DCC: variants seen among roughly 807,000 people sequenced by gnomAD.
DCC encodes DCC netrin 1 receptor.
Under a neutral mutation model 172.5 loss-of-function variants are expected in DCC, and 58 were observed. The observed-to-expected ratio is 0.34, with a 90% CI of 0.27 to 0.42. DCC has a LOEUF of 0.42. Among genes scored for constraint, DCC ranks in the 10% least tolerant of loss-of-function variants. The pLI is 1.00. For synonymous variants in DCC, 709 were observed against 644.5 expected (o/e 1.10, Z -1.52); for missense variants, 1,740 against 1,791.0 (o/e 0.97, Z 0.51).
At chr18:53,296,598 G>T (rs1339000742) in intron 12 of DCC, among the ~76,000 whole-genome samples, 1 of 152,100 alleles carries the variant, frequency 6.6e-6, no homozygotes, top group East Asian at 1.9e-4. Flanking sequence ...CAATATTCTG[G>T]GCAATAGACA....
intron 1 of DCC, among the ~76,000 whole-genome samples, chr18:52,570,489 A>T (rs1447505336): frequency 1.3e-5 from 2 of 152,228 alleles, no homozygotes; most frequent in East Asian, 1.9e-4. Flanking sequence ...GAGGGGGAAG[A>T]TGTACTATAA....
At chr18:53,328,401 A>T (rs1276360850) in intron 14 of DCC, among the ~76,000 whole-genome samples, 2 of 152,232 alleles carry the variant, frequency 1.3e-5, no homozygotes, top group Non-Finnish European at 2.9e-5. Flanking sequence ...TAACAACAGT[A>T]TCCATCACAG....
intron 7 of DCC, among the ~76,000 whole-genome samples, chr18:53,131,786 C>G (rs577081512): frequency 8.5e-5 from 13 of 152,090 alleles, no homozygotes; most frequent in African/African-American, 2.9e-4. Context: ...GTCACCTTAA[C>G]TCAGAAGAGA....
intron 2 of DCC, among the ~76,000 whole-genome samples, chr18:52,777,745 A>G (rs769530757): frequency 1.3e-5 from 2 of 151,946 alleles, no homozygotes; most frequent in Non-Finnish European, 2.9e-5. Flanking sequence ...AAAGCAGAAG[A>G]GAATCTAGGA....
chr18:53,200,369 G>A (rs1374171244), intron 9 of DCC, among the ~76,000 whole-genome samples: 2 of 152,286 alleles, frequency 1.3e-5, no homozygotes, highest in South Asian at 2.1e-4. Context: ...AAATGGGTTA[G>A]ACTACATAAA....
chr18:52,387,615 CTTCCTTCCTTCCTTCCTTCT>C (rs1192110992), intron 1 of DCC, among the ~76,000 whole-genome samples: 2 of 148,974 alleles, frequency 1.3e-5, no homozygotes, highest in East Asian at 2.0e-4. Context: ...TCCTTCCTTC[CTTCCTTCCTTCCTTCCTTCT>C]GTCCTTCCAG....
At chr18:53,060,557 T>A (rs1448693010) in intron 5 of DCC, among the ~76,000 whole-genome samples, 1 of 152,132 alleles carries the variant, frequency 6.6e-6, no homozygotes, top group African/African-American at 2.4e-5. Flanking sequence ...CACATATACG[T>A]TTGTAATCAG....
chr18:53,144,745 G>A (rs1231474484), intron 7 of DCC, among the ~76,000 whole-genome samples: 1 of 152,108 alleles, frequency 6.6e-6, no homozygotes, highest in Non-Finnish European at 1.5e-5. Flanking sequence ...AGGGGCTGGT[G>A]CCATTTGTTT....
In DCC at chr18:53,476,721, G is replaced by A. The variant is rs989359031; in HGVS notation, c.3736+8711G>A. ...AGGACAATTACTTTTGATGGAAGTCGATTAGTGGACCAGAAGGTACTATAG... is the reference window on the plus strand; with the variant it reads ...AGGACAATTACTTTTGATGGAAGTCAATTAGTGGACCAGAAGGTACTATAG... On this transcript the variant is annotated intron_variant, in intron 25 of 28. Coordinates refer to ENST00000442544, the MANE Select transcript of DCC (RefSeq NM_005215.4). Among the ~76,000 whole-genome samples the A allele has an allele frequency of 2.0e-5, 3 of 152,120 alleles. No homozygotes were observed. The East Asian group carries it at 5.8e-4, about 29-fold the overall frequency.
intron 12 of DCC, among the ~76,000 whole-genome samples, chr18:53,302,228 A>C (rs2057150272): frequency 6.6e-6 from 1 of 151,924 alleles, no homozygotes; most frequent in South Asian, 2.1e-4. Context: ...TAATAACTTC[A>C]ACATATGACT....
chr18:53,477,996 A>G (rs930699335), intron 25 of DCC, among the ~76,000 whole-genome samples: 7 of 152,268 alleles, frequency 4.6e-5, no homozygotes, highest in African/African-American at 1.7e-4. Context: ...AATTACAAAA[A>G]AGTCAGAACA....
intron 12 of DCC, among the ~76,000 whole-genome samples, chr18:53,257,272 G>A (rs1003115144): frequency 6.6e-6 from 1 of 152,132 alleles, no homozygotes; most frequent in African/African-American, 2.4e-5. Context: ...GGTGAGAGAG[G>A]GCATCCGTGT....
At chr18:53,199,833 G>T (rs985348078) in intron 9 of DCC, among the ~76,000 whole-genome samples, 6 of 151,930 alleles carry the variant, frequency 3.9e-5, no homozygotes, top group Admixed American at 3.3e-4. Context: ...TGTATATTTT[G>T]ATATTCATAT....
intron 5 of DCC, among the ~76,000 whole-genome samples, chr18:52,962,651 C>T (rs1157060406): frequency 6.6e-6 from 1 of 151,858 alleles, no homozygotes; most frequent in Non-Finnish European, 1.5e-5. Context: ...AAGACACATG[C>T]ACATGTATGT....
intron 2 of DCC, among the ~76,000 whole-genome samples, chr18:52,849,711 TC>T (rs2038946659): frequency 6.6e-6 from 1 of 152,134 alleles, no homozygotes; most frequent in South Asian, 2.1e-4. Flanking sequence ...TTAGAATGCT[TC>T]TTCATTTTTT....
chr18:53,419,379 A>C (rs1313862492), intron 21 of DCC, among the ~76,000 whole-genome samples: 1 of 151,956 alleles, frequency 6.6e-6, no homozygotes, highest in Non-Finnish European at 1.5e-5. Context: ...AGTAGGTCTT[A>C]CTCATTATTT....
chr18:53,023,401 C>CAAAAAAAAAAAAAA lies in DCC; in HGVS notation c.986-39889_986-39876dup, dbSNP rs869070422. On this transcript the variant is annotated intron_variant, in intron 5 of 28. Transcript: ENST00000442544. The stretch of plus-strand genomic sequence containing the variant: ...GGACAAACACATATATAACTCAGAC[C>CAAAAAAAAAAAAAA]AAAAAAAAAAAAAAAAAAAAAAAAA... Among the ~76,000 whole-genome samples, 25 of 24,424 alleles carry CAAAAAAAAAAAAAA rather than the reference C, an allele frequency of 1.0e-3. 8 individuals carry two copies. The highest frequency in any genetic ancestry group is 4.8e-3 in the African/African-American group (25 of 5,196). The allele number at this position is 24,424 out of a possible 152,430, so 16.0% of individuals were successfully genotyped here.
intron 20 of DCC, among the ~76,000 whole-genome samples, chr18:53,413,361 A>G (rs568140485): frequency 1.3e-5 from 2 of 152,344 alleles, no homozygotes; most frequent in South Asian, 2.1e-4. Flanking sequence ...AAATTCTTTT[A>G]TGACAAAAAT....
chr18:53,304,809 C>T (rs1446900367), intron 12 of DCC, among the ~76,000 whole-genome samples: 1 of 152,124 alleles, frequency 6.6e-6, no homozygotes, highest in Non-Finnish European at 1.5e-5. Context: ...CTCTTAAAAA[C>T]GTATTTAGTT....
Sources: gnomAD v4.1 joint callset for allele counts (sites outside exome capture counted in the v4.1 genomes callset) on GRCh38, gnomAD v4.1.1 for gene constraint, MANE v1.5 for transcripts, NCBI Gene and HGNC (gene_info 2026-07-23, HGNC 2026-07-21) for gene names.